The following RPS6KC1 variants were observed in gnomAD, a reference collection of about 807,000 sequenced individuals.
The protein encoded by RPS6KC1 is ribosomal protein S6 kinase C1, also known as inactive ribosomal protein S6 kinase delta-1.
RPS6KC1 carries 54 observed loss-of-function variants against 103.8 expected under a neutral mutation model. The ratio of observed to expected loss-of-function variants is 0.52; its 90% CI spans 0.42 to 0.65. RPS6KC1 has a LOEUF of 0.65. RPS6KC1 is among the 30% of genes least tolerant of loss of function. The pLI, the probability that RPS6KC1 is intolerant of heterozygous loss-of-function variation, is 0.00. For missense variants in RPS6KC1, 1,151 were observed against 1,253.8 expected, an observed-to-expected ratio of 0.92 and a Z score of 1.24; for synonymous variants, 439 against 438.7, an observed-to-expected ratio of 1.00 and a Z score of -0.01.
chr1:213,501,029 C>A, the RPS6KC1 span, among the ~76,000 whole-genome samples: 1 of 152,002 alleles, frequency 6.6e-6, no homozygotes, highest in African/African-American at 2.4e-5. Context: ...TGAAAATAAT[C>A]AATATTTAAA....
chr1:213,675,595 G>C, the RPS6KC1 span, among the ~76,000 whole-genome samples: 1 of 152,124 alleles, frequency 6.6e-6, no homozygotes, highest in Non-Finnish European at 1.5e-5. Context: ...TATATGTCTA[G>C]GCTGGGCATG....
At chr1:213,668,018 G>A in the RPS6KC1 span, among the ~76,000 whole-genome samples, 1 of 152,170 alleles carries the variant, frequency 6.6e-6, no homozygotes, top group African/African-American at 2.4e-5. Context: ...TTTGTCCACT[G>A]AAGTCTTGAG....
the RPS6KC1 span, among the ~76,000 whole-genome samples, chr1:213,682,044 C>T: frequency 6.6e-6 from 1 of 152,132 alleles, no homozygotes. Flanking sequence ...CTATTCCTGC[C>T]TTTGATTACG....
At chr1:213,448,264 G>GAAAT in the RPS6KC1 span, among the ~76,000 whole-genome samples, 3 of 137,932 alleles carry the variant, frequency 2.2e-5, no homozygotes, top group East Asian at 6.2e-4. Flanking sequence ...AGAAAAAAAA[G>GAAAT]AAACTATTTG....
intron 8 of RPS6KC1, among the ~76,000 whole-genome samples, chr1:213,213,481 A>G (rs1285467524): frequency 2.0e-5 from 3 of 152,212 alleles, no homozygotes; most frequent in Non-Finnish European, 4.4e-5. Flanking sequence ...CCTTGGAGTC[A>G]GGTAGTATCA....
At chr1:213,709,708 G>A in the RPS6KC1 span, among the ~76,000 whole-genome samples, 2 of 152,108 alleles carry the variant, frequency 1.3e-5, no homozygotes, top group South Asian at 2.1e-4. Flanking sequence ...CACAGATATT[G>A]GTACATTGTG....
At chr1:213,590,506 G>A in the RPS6KC1 span, among the ~76,000 whole-genome samples, 1 of 152,218 alleles carries the variant, frequency 6.6e-6, no homozygotes, top group Non-Finnish European at 1.5e-5. Flanking sequence ...GGTTTTGGCT[G>A]AGGGAGACAG....
At chr1:213,831,604 A>G in the RPS6KC1 span, among the ~76,000 whole-genome samples, 1 of 152,366 alleles carries the variant, frequency 6.6e-6, no homozygotes, top group South Asian at 2.1e-4. Context: ...GGAAACTAAT[A>G]TAGCTTTCTC....
intron 1 of RPS6KC1, among the ~76,000 whole-genome samples, chr1:213,067,480 C>G (rs1049099590): frequency 1.3e-5 from 2 of 152,062 alleles, no homozygotes; most frequent in Non-Finnish European, 2.9e-5. Flanking sequence ...ACATTAAGAG[C>G]CTTACATCAC....
At chr1:213,806,425 T>A in the RPS6KC1 span, among the ~76,000 whole-genome samples, 1 of 152,236 alleles carries the variant, frequency 6.6e-6, no homozygotes, top group Non-Finnish European at 1.5e-5. Context: ...TGTCTCTTTG[T>A]AGGTCACCCA....
At chr1:213,355,877 A>G in the RPS6KC1 span, among the ~76,000 whole-genome samples, 2 of 152,232 alleles carry the variant, frequency 1.3e-5, no homozygotes, top group African/African-American at 4.8e-5. Flanking sequence ...TGATTCTGCC[A>G]CTTACTAGCT....
intron 1 of RPS6KC1, among the ~76,000 whole-genome samples, chr1:213,060,095 G>C (rs970869259): frequency 6.6e-5 from 10 of 152,170 alleles, no homozygotes; most frequent in African/African-American, 2.2e-4. Flanking sequence ...TGGGATTGCC[G>C]GTGTGAACCA....
chr1:213,577,489 G>A, the RPS6KC1 span, among the ~76,000 whole-genome samples: 1 of 152,228 alleles, frequency 6.6e-6, no homozygotes, highest in Admixed American at 6.5e-5. Context: ...GGCAGAGGTT[G>A]GAACAGTTTG....
intron 8 of RPS6KC1, among the ~76,000 whole-genome samples, chr1:213,194,767 C>T (rs2092877312): frequency 6.6e-6 from 1 of 152,192 alleles, no homozygotes; most frequent in South Asian, 2.1e-4. Context: ...TGAGGTAGAA[C>T]AGTATCATCT....
chr1:213,530,380 C>T, the RPS6KC1 span, among the ~76,000 whole-genome samples: 5 of 152,212 alleles, frequency 3.3e-5, no homozygotes, highest in Non-Finnish European at 7.3e-5. Context: ...CCTGAATTTT[C>T]TCTCAGGCTT....
At chr1:213,469,196 G>A in the RPS6KC1 span, among the ~76,000 whole-genome samples, 4 of 152,056 alleles carry the variant, frequency 2.6e-5, no homozygotes, top group South Asian at 2.1e-4. Flanking sequence ...AGAGATGCAG[G>A]ATGTATATTT....
At chr1:213,361,363 G>A in the RPS6KC1 span, among the ~76,000 whole-genome samples, 9 of 152,248 alleles carry the variant, frequency 5.9e-5, no homozygotes, top group East Asian at 1.9e-4. Context: ...AACCAGGAGC[G>A]GGATATAATC....
At chr1:213,708,240 G>T in the RPS6KC1 span, among the ~76,000 whole-genome samples, 1 of 152,118 alleles carries the variant, frequency 6.6e-6, no homozygotes, top group Non-Finnish European at 1.5e-5. Context: ...AGGTCTCTTT[G>T]AAGAGGTCCT....
At chr1:213,287,946 A>T in the RPS6KC1 span, among the ~76,000 whole-genome samples, 1 of 140,670 alleles carries the variant, frequency 7.1e-6, no homozygotes, top group South Asian at 2.4e-4. Flanking sequence ...ATAAATCAGA[A>T]TATCTGTTTA....
Sources: gnomAD v4.1 joint callset for allele counts (sites outside exome capture counted in the v4.1 genomes callset) on GRCh38, gnomAD v4.1.1 for gene constraint, MANE v1.5 for transcripts, NCBI Gene and HGNC (gene_info 2026-07-23, HGNC 2026-07-21) for gene names.